Variants in ANKRD13C observed in about 807,000 individuals in gnomAD.
The protein encoded by ANKRD13C is ankyrin repeat domain 13C, also known as ankyrin repeat domain-containing protein 13C.
A neutral mutation model predicts 65.5 loss-of-function variants in ANKRD13C; 16 were observed. The ratio of observed to expected loss-of-function variants is 0.24; its 90% CI spans 0.17 to 0.37. ANKRD13C has a LOEUF of 0.37. Ranked by LOEUF, ANKRD13C falls within the 10% of genes least tolerant of loss-of-function variation. ANKRD13C has a pLI of 1.00. For missense variants in ANKRD13C, 503 were observed against 655.9 expected (o/e 0.77, Z 2.55); for synonymous variants, 235 against 238.7 (o/e 0.98, Z 0.14).
chr1:70,262,415 A>C lies in ANKRD13C; in HGVS notation c.*302T>G, dbSNP rs1345171990. 4 of 167,478 alleles carry C rather than the reference A, an allele frequency of 2.4e-5. No individual in the cohort carries two copies. Among genetic ancestry groups the C allele is most frequent in the East Asian group, 3.2e-4 (2 of 6,278 alleles). 10.4% of individuals were successfully genotyped at this position (167,478 alleles called of 1,614,324 possible). ...TATATATTTCAACAAGAAGTGTAAA[A>C]ATTTTTAAAAACAAATCACAGCACT... is the stretch of plus-strand genomic sequence containing the variant. On this transcript the variant is annotated 3_prime_UTR_variant, in exon 13 of 13. Coordinates refer to ENST00000370944, the MANE Select transcript of ANKRD13C (RefSeq NM_030816.5).
intron 5 of ANKRD13C, among the ~76,000 whole-genome samples, chr1:70,310,112 G>C (rs1680787317): frequency 6.6e-6 from 1 of 152,164 alleles, no homozygotes; most frequent in Non-Finnish European, 1.5e-5. Flanking sequence ...ATCCAGGCTG[G>C]AATATTTCAG....
At chr1:70,345,547 A>C (rs1469587822) in intron 1 of ANKRD13C, among the ~76,000 whole-genome samples, 1 of 151,934 alleles carries the variant, frequency 6.6e-6, no homozygotes, top group South Asian at 2.1e-4. Flanking sequence ...GTACTGATGC[A>C]TGATTCTGTA....
intron 12 of ANKRD13C, among the ~76,000 whole-genome samples, chr1:70,264,655 T>C (rs928428518): frequency 7.9e-5 from 12 of 152,110 alleles, no homozygotes; most frequent in African/African-American, 2.9e-4. Context: ...ATATTTATTA[T>C]CTTTCAGACA....
intron 5 of ANKRD13C, among the ~76,000 whole-genome samples, chr1:70,309,818 G>A (rs1018783191): frequency 6.6e-6 from 1 of 151,356 alleles, no homozygotes; most frequent in African/African-American, 2.4e-5. Context: ...TAGAGAATTA[G>A]TTTTTTAGTT....
chr1:70,321,523 G>A (rs1681305322), intron 3 of ANKRD13C, among the ~76,000 whole-genome samples: 1 of 152,018 alleles, frequency 6.6e-6, no homozygotes, highest in Non-Finnish European at 1.5e-5. Flanking sequence ...CATAACACAA[G>A]TATACCATGA....
At chr1:70,300,668 C>T (rs1680311270) in intron 7 of ANKRD13C, 96 bp downstream of exon 7, 2 of 1,188,850 alleles carry the variant, frequency 1.7e-6, no homozygotes, top group Non-Finnish European at 2.3e-6. Context: ...CTCAATTATA[C>T]CTTAAGCTTT....
intron 2 of ANKRD13C, among the ~76,000 whole-genome samples, chr1:70,327,007 C>G (rs1681573872): frequency 8.6e-6 from 1 of 116,374 alleles, no homozygotes; most frequent in South Asian, 3.3e-4. Flanking sequence ...AACATAATAC[C>G]CCAGTAATAA....
At chr1:70,264,181 G>T (rs1265731329) in intron 12 of ANKRD13C, among the ~76,000 whole-genome samples, 3 of 151,994 alleles carry the variant, frequency 2.0e-5, no homozygotes, top group Non-Finnish European at 4.4e-5. Context: ...AGTATTTCAT[G>T]AAGTGAAAAT....
At chr1:70,290,699 G>A (rs567188807) in intron 9 of ANKRD13C, among the ~76,000 whole-genome samples, 13 of 151,924 alleles carry the variant, frequency 8.6e-5, no homozygotes, top group South Asian at 8.3e-4. Flanking sequence ...ATGCCACTGC[G>A]CACAGCTGAT....
intron 1 of ANKRD13C, among the ~76,000 whole-genome samples, chr1:70,339,787 CCTT>C (rs1682220230): frequency 6.7e-6 from 1 of 148,372 alleles, no homozygotes; most frequent in East Asian, 2.0e-4. Flanking sequence ...GTTATTTGTG[CCTT>C]CTTTTTCTCT....
chr1:70,285,062 A>G (rs79542925), intron 9 of ANKRD13C, among the ~76,000 whole-genome samples: 320 of 152,304 alleles, frequency 2.1e-3, no homozygotes, highest in Non-Finnish European at 4.1e-3. Flanking sequence ...CATCTGAGTT[A>G]CTAACCTACA....
intron 1 of ANKRD13C, among the ~76,000 whole-genome samples, chr1:70,341,612 A>G (rs1450634329): frequency 6.6e-6 from 1 of 152,070 alleles, no homozygotes; most frequent in African/African-American, 2.4e-5. Context: ...TGCCTGCCTC[A>G]GCCTCCCAAA....
chr1:70,312,753 T>A (rs1057412796), intron 5 of ANKRD13C, among the ~76,000 whole-genome samples: 1 of 152,144 alleles, frequency 6.6e-6, no homozygotes, highest in African/African-American at 2.4e-5. Flanking sequence ...TACATTTTTT[T>A]AAATCTTTAA....
chr1:70,319,426 T>C (rs959695040), intron 3 of ANKRD13C, among the ~76,000 whole-genome samples: 1 of 151,966 alleles, frequency 6.6e-6, no homozygotes, highest in Non-Finnish European at 1.5e-5. Context: ...GCCAACATAG[T>C]GAAACCCCGT....
intron 2 of ANKRD13C, among the ~76,000 whole-genome samples, chr1:70,335,702 T>C (rs868343378): frequency 3.3e-5 from 5 of 149,438 alleles, no homozygotes; most frequent in Admixed American, 2.0e-4. Flanking sequence ...ATATATAAAA[T>C]ATTATATATT....
intron 1 of ANKRD13C, among the ~76,000 whole-genome samples, chr1:70,338,039 CG>C (rs1682129506): frequency 6.6e-6 from 1 of 151,886 alleles, no homozygotes; most frequent in South Asian, 2.1e-4. Flanking sequence ...GCGAAGGTTG[CG>C]GTGAACCAAG....
At chr1:70,306,020 G>A (rs923676439) in intron 6 of ANKRD13C, 1 of 285,924 alleles carries the variant, frequency 3.5e-6, no homozygotes, top group African/African-American at 2.2e-5. Context: ...TCCACTTTGA[G>A]TTTGTTCTCT....
intron 2 of ANKRD13C, among the ~76,000 whole-genome samples, chr1:70,330,574 C>CAAAAAAAAAAAAAAAAAAAAAAAAAACA (rs71071394): frequency 2.9e-5 from 2 of 68,384 alleles, no homozygotes; most frequent in African/African-American, 5.4e-5. Context: ...ACAAACAAAC[C>CAAAAAAAAAAAAAAAAAAAAAAAAAACA]AAAAAAAAAA....
At chr1:70,347,796 A>G (rs987134514) in intron 1 of ANKRD13C, among the ~76,000 whole-genome samples, 8 of 152,260 alleles carry the variant, frequency 5.3e-5, no homozygotes, top group Non-Finnish European at 8.8e-5. Flanking sequence ...AACTAAATCA[A>G]CCCTGATCAA....
Sources: allele counts gnomAD v4.1 joint callset (sites outside exome capture counted in the v4.1 genomes callset), GRCh38; gene constraint gnomAD v4.1.1; transcripts MANE v1.5; gene names NCBI Gene and HGNC (gene_info 2026-07-23, HGNC 2026-07-21).